Variants in HAUS6 observed in about 807,000 individuals in gnomAD.
The protein encoded by HAUS6 is HAUS augmin-like complex subunit 6.
In HAUS6, 80 loss-of-function variants were observed where a neutral mutation model predicts 106.8. The observed-to-expected ratio is 0.75, with a 90% confidence interval of 0.63 to 0.90. The LOEUF (loss-of-function observed/expected upper bound fraction) is 0.90, where lower values mean the gene tolerates loss of function less well. Ranked by LOEUF, HAUS6 falls within the 40% of genes least tolerant of loss-of-function variation. The pLI is 0.00. For synonymous variants in HAUS6, 356 were observed against 379.1 expected, an observed-to-expected ratio of 0.94 and a Z score of 0.71; for missense variants, 1,155 against 1,118.1, an observed-to-expected ratio of 1.03 and a Z score of -0.47.
At chr9:19,087,677 G>T (rs1357685746) in intron 5 of HAUS6, among the ~76,000 whole-genome samples, 1 of 151,648 alleles carries the variant, frequency 6.6e-6, no homozygotes, top group African/African-American at 2.4e-5. Flanking sequence ...TACAAAGCAA[G>T]ACCCTGTCTC....
intron 11 of HAUS6, among the ~76,000 whole-genome samples, chr9:19,074,772 C>T (rs1416296443): frequency 6.6e-6 from 1 of 152,152 alleles, no homozygotes; most frequent in Non-Finnish European, 1.5e-5. Context: ...CTATTACCTG[C>T]TCCAGTTTGG....
chr9:19,067,097 A>T (rs1836773802), intron 12 of HAUS6, among the ~76,000 whole-genome samples: 1 of 152,148 alleles, frequency 6.6e-6, no homozygotes, highest in African/African-American at 2.4e-5. Flanking sequence ...AGGGCTGATA[A>T]CACTCTCTAA....
chr9:19,078,766 C>T (rs553853741), intron 9 of HAUS6, among the ~76,000 whole-genome samples: 1 of 150,940 alleles, frequency 6.6e-6, no homozygotes, highest in Admixed American at 6.6e-5. Flanking sequence ...CCATGCACTC[C>T]AGCCTGGGAG....
intron 4 of HAUS6, among the ~76,000 whole-genome samples, chr9:19,089,979 C>G (rs940982176): frequency 1.3e-5 from 2 of 151,908 alleles, no homozygotes; most frequent in Non-Finnish European, 2.9e-5. Flanking sequence ...ACTACAAGCA[C>G]GCACCACCAT....
intron 7 of HAUS6, among the ~76,000 whole-genome samples, chr9:19,086,035 G>A (rs571882062): frequency 3.4e-4 from 52 of 152,244 alleles, no homozygotes; most frequent in African/African-American, 1.2e-3. Context: ...AAGGGGACCG[G>A]GCGCAGTGGC....
intron 6 of HAUS6, 104 bp from the exon 7 acceptor site, chr9:19,086,886 C>G (rs937872881): frequency 9.4e-6 from 6 of 640,452 alleles, no homozygotes; most frequent in Admixed American, 6.0e-5. Context: ...ACAACCACCC[C>G]AACAAAAAAT....
chr9:19,086,034 G>A (rs370552366), intron 7 of HAUS6, among the ~76,000 whole-genome samples: 60 of 152,002 alleles, frequency 3.9e-4, no homozygotes, highest in African/African-American at 1.3e-3. Flanking sequence ...AAAGGGGACC[G>A]GGCGCAGTGG....
chr9:19,084,146 C>T (rs901076273), intron 7 of HAUS6, among the ~76,000 whole-genome samples: 2 of 150,928 alleles, frequency 1.3e-5, no homozygotes, highest in East Asian at 1.9e-4. Flanking sequence ...AAAAAGGGTA[C>T]ATTGGTGCTA....
At chr9:19,073,639 C>T (rs1836925279) in intron 11 of HAUS6, among the ~76,000 whole-genome samples, 2 of 142,076 alleles carry the variant, frequency 1.4e-5, no homozygotes, top group Non-Finnish European at 3.0e-5. Context: ...ACTAGTGGAT[C>T]TCCAAAAAAA....
chr9:19,095,889 T>C (rs1288655502), intron 2 of HAUS6, among the ~76,000 whole-genome samples: 2 of 152,168 alleles, frequency 1.3e-5, no homozygotes, highest in African/African-American at 4.8e-5. Flanking sequence ...AGGAATGATT[T>C]TTGCCTAAAG....
chr9:19,096,029 G>T (rs1817854572), intron 2 of HAUS6, among the ~76,000 whole-genome samples: 2 of 152,114 alleles, frequency 1.3e-5, no homozygotes, highest in African/African-American at 4.8e-5. Context: ...GCAAAATCAA[G>T]TTCATACGGA....
intron 11 of HAUS6, among the ~76,000 whole-genome samples, chr9:19,070,966 C>T (rs747241971): frequency 6.6e-6 from 1 of 152,112 alleles, no homozygotes; most frequent in Non-Finnish European, 1.5e-5. Context: ...AGGGTACATC[C>T]AGTGGAAGCA....
intron 2 of HAUS6, among the ~76,000 whole-genome samples, chr9:19,096,006 C>G (rs1010085297): frequency 2.6e-5 from 4 of 151,488 alleles, no homozygotes; most frequent in Admixed American, 2.0e-4. Flanking sequence ...GAGTACCGAG[C>G]AAAAAAAATT....
chr9:19,058,749 C>A lies in HAUS6; in HGVS notation c.2018G>T (p.Ser673Ile), dbSNP rs764332656. ...ECVPQKHVLT[S>I]HIDEPPTQNQ... ...TTGTGTTGGTGGTTCATCTATGTGA[C>A]TGGTCAGCACATGTTTCTGAGGCAC... The change falls in exon 16 of 17, where the codon AGT becomes ATT. Residue 673 changes from serine to isoleucine, a missense_variant. By Grantham distance (142) the Ser-to-Ile change is moderately radical. Coordinates refer to ENST00000380502, the MANE Select transcript of HAUS6 (RefSeq NM_017645.5). The A allele has an allele frequency of 6.2e-7, 1 of 1,614,158 alleles. No homozygotes were observed. Among genetic ancestry groups the A allele is most frequent in the Non-Finnish European group, 8.5e-7 (1 of 1,180,016 alleles).
intron 5 of HAUS6, among the ~76,000 whole-genome samples, chr9:19,088,484 A>G (rs1017347677): frequency 1.3e-5 from 2 of 152,310 alleles, no homozygotes; most frequent in Admixed American, 6.5e-5. Context: ...TAGCAAGACA[A>G]AAAAGGATAC....
chr9:19,095,069 C>A (rs1817832120), intron 2 of HAUS6, among the ~76,000 whole-genome samples: 1 of 150,718 alleles, frequency 6.6e-6, no homozygotes, highest in African/African-American at 2.4e-5. Context: ...AGTAATCTTG[C>A]CAGAGAGAAA....
At chr9:19,062,197 G>C (rs150803543) in intron 14 of HAUS6, among the ~76,000 whole-genome samples, 1 of 152,120 alleles carries the variant, frequency 6.6e-6, no homozygotes, top group East Asian at 1.9e-4. Context: ...GGAAAATCAA[G>C]TTCATGAACA....
chr9:19,093,833 C>G (rs10811113), intron 3 of HAUS6, among the ~76,000 whole-genome samples: 11,842 of 152,174 alleles, frequency 0.078, 516 homozygotes, highest in East Asian at 0.1. Flanking sequence ...TGCGCCATTG[C>G]ACTCCAGCCT....
chr9:19,065,546 T>C (rs1264619745), intron 12 of HAUS6, among the ~76,000 whole-genome samples: 1 of 152,198 alleles, frequency 6.6e-6, no homozygotes, highest in Non-Finnish European at 1.5e-5. Flanking sequence ...TATGTTAATG[T>C]TTTAAAATTT....
Sources: gnomAD v4.1 joint callset for allele counts (sites outside exome capture counted in the v4.1 genomes callset) on GRCh38, gnomAD v4.1.1 for gene constraint, MANE v1.5 for transcripts, NCBI Gene and HGNC (gene_info 2026-07-23, HGNC 2026-07-21) for gene names.